GABRA6: variants seen among roughly 807,000 people sequenced by gnomAD.
GABRA6 encodes the protein gamma-aminobutyric acid type A receptor subunit alpha6.
GABRA6 carries 45 observed loss-of-function variants against 47.3 expected under a neutral mutation model. The observed-to-expected ratio is 0.95, with a 90% confidence interval of 0.75 to 1.22. The LOEUF is 1.22. GABRA6 is among the 50% of genes most tolerant of loss of function. The pLI is 0.00. For missense variants in GABRA6, 583 were observed against 549.3 expected (o/e 1.06, Z -0.61); for synonymous variants, 219 against 194.7 (o/e 1.12, Z -1.04).
intron 8 of GABRA6, among the ~76,000 whole-genome samples, chr5:161,694,977 C>A (rs1447496185): frequency 3.3e-5 from 5 of 152,094 alleles, no homozygotes; most frequent in Non-Finnish European, 7.4e-5. Flanking sequence ...AAGACATTTT[C>A]TCCCAAATAC....
chr5:161,691,452 A>C (rs1343116731), intron 7 of GABRA6, among the ~76,000 whole-genome samples: 4 of 150,978 alleles, frequency 2.6e-5, no homozygotes, highest in Non-Finnish European at 4.4e-5. Flanking sequence ...CCCGCCACCA[A>C]GCCCGGCTAA....
chr5:161,691,546 C>T (rs1052575109), intron 7 of GABRA6, among the ~76,000 whole-genome samples: 2 of 151,682 alleles, frequency 1.3e-5, no homozygotes, highest in Non-Finnish European at 2.9e-5. Context: ...GTGATCCGCC[C>T]GCCTCGGCCT....
Position 161,689,106 on chromosome 5 carries a change from A to G in GABRA6, c.383A>G (p.Asn128Ser), listed in dbSNP as rs575983585. ...FRNGKKSIAH[N>S]MTTPNKLFRI... ...AATGGTAAAAAGTCCATTGCTCACAACATGACAACTCCTAATAAACTCTTC... is the reference window on the plus strand; with the variant it reads ...AATGGTAAAAAGTCCATTGCTCACAGCATGACAACTCCTAATAAACTCTTC... The change falls in exon 4 of 9, where the codon AAC becomes AGC. Residue 128 changes from asparagine to serine, a missense_variant. By Grantham distance (46) the Asn-to-Ser change is conservative. Transcript: ENST00000274545. The G allele has an allele frequency of 1.4e-4, 232 of 1,614,114 alleles. No homozygotes were observed. The East Asian group carries it at 4.8e-3, about 33-fold the overall frequency.
chr5:161,688,798 TAAC>T, intron 3 of GABRA6, 148 bp from the exon 4 acceptor site: 2 of 702,172 alleles, frequency 2.8e-6, no homozygotes, highest in Non-Finnish European at 4.9e-6. Context: ...AGAACAATAA[TAAC>T]TAGCTAAAAT....
chr5:161,699,758 C>A (rs112903005), intron 8 of GABRA6, among the ~76,000 whole-genome samples: 1 of 151,986 alleles, frequency 6.6e-6, no homozygotes, highest in Non-Finnish European at 1.5e-5. Flanking sequence ...CCATGCACAG[C>A]CCATCTATTT....
At chr5:161,696,852 C>T (rs529891865) in intron 8 of GABRA6, among the ~76,000 whole-genome samples, 1 of 152,224 alleles carries the variant, frequency 6.6e-6, no homozygotes, top group South Asian at 2.1e-4. Context: ...AAAATATTTT[C>T]TCTCATCTGT....
At chr5:161,686,700 G>A (rs531779186) in intron 2 of GABRA6, among the ~76,000 whole-genome samples, 2 of 152,228 alleles carry the variant, frequency 1.3e-5, no homozygotes, top group Non-Finnish European at 2.9e-5. Context: ...TCGTTAGAAC[G>A]AATCTAGCTT....
At chr5:161,695,482 A>AT (rs1754871580) in intron 8 of GABRA6, among the ~76,000 whole-genome samples, 1 of 151,992 alleles carries the variant, frequency 6.6e-6, no homozygotes, top group Non-Finnish European at 1.5e-5. Context: ...TTATATCTTC[A>AT]TGAGTTTCAG....
intron 8 of GABRA6, among the ~76,000 whole-genome samples, chr5:161,694,410 A>G (rs945437720): frequency 1.3e-5 from 2 of 151,936 alleles, no homozygotes; most frequent in African/African-American, 4.8e-5. Context: ...TTTTTGCTTT[A>G]CCTTTTTTGA....
chr5:161,701,754 TC>T lies in GABRA6; in HGVS notation c.1344del (p.Ser449ValfsTer52), dbSNP rs750093869. On this transcript the variant is annotated frameshift_variant, in exon 9 of 9. Transcript: ENST00000274545. LOFTEE classifies it high-confidence loss of function. ...VVYLSKDTMEVSSSVE is the reference protein window; with the variant it reads ...VVYLSKDTMEXSSSVE ...TATCTTTCCAAAGATACAATGGAAG[TC>T]AGTAGCAGTGTTGAATAGCTTGCGG... 1 of 1,614,158 alleles carries T rather than the reference TC, an allele frequency of 6.2e-7. No homozygotes were observed. The highest frequency in any genetic ancestry group is 1.1e-5 in the South Asian group (1 of 91,088).
At chr5:161,699,881 A>G (rs1754948508) in intron 8 of GABRA6, among the ~76,000 whole-genome samples, 1 of 152,200 alleles carries the variant, frequency 6.6e-6, no homozygotes, top group South Asian at 2.1e-4. Flanking sequence ...TGTCCAGAGT[A>G]CCACAGTACT....
chr5:161,696,012 A>G (rs1470514457), intron 8 of GABRA6, among the ~76,000 whole-genome samples: 1 of 152,144 alleles, frequency 6.6e-6, no homozygotes, highest in Non-Finnish European at 1.5e-5. Context: ...ATGAGCCTTA[A>G]TAATACCTTG....
In GABRA6 at chr5:161,691,923, T is replaced by C. The variant is rs761177365; in HGVS notation, c.827-18T>C. 2.2e-5 allele frequency: 36 copies of C among 1,610,070 alleles called. No homozygotes were observed. The highest frequency in any genetic ancestry group is 1.6e-4 in the Middle Eastern group (1 of 6,076). ...TTCCCAGTACTAATATTACAATTCC[T>C]ATTCTTTTTTATTTTAGGGATCACC... is the stretch of plus-strand genomic sequence containing the variant. On this transcript the variant is annotated intron_variant, in intron 7 of 8. Transcript: ENST00000274545.
At chr5:161,687,282 T>G in intron 3 of GABRA6, 1 of 455,048 alleles carries the variant, frequency 2.2e-6, no homozygotes, top group South Asian at 2.1e-5. Flanking sequence ...GAGAAGAGAT[T>G]TTCCCCTTTC....
At chr5:161,694,406 C>T (rs1754853348) in intron 8 of GABRA6, among the ~76,000 whole-genome samples, 1 of 151,554 alleles carries the variant, frequency 6.6e-6, no homozygotes, top group East Asian at 1.9e-4. Context: ...CAATTTTTTG[C>T]TTTACCTTTT....
intron 7 of GABRA6, 151 bp downstream of exon 7, chr5:161,690,504 C>G: frequency 2.3e-6 from 2 of 859,342 alleles, no homozygotes; most frequent in Non-Finnish European, 3.7e-6. Context: ...TGCAAAATCA[C>G]TGTCATTATA....
At chr5:161,690,008 T>A (rs922360474) in intron 6 of GABRA6, 193 bp from the exon 7 acceptor site, 16 of 673,460 alleles carry the variant, frequency 2.4e-5, no homozygotes, top group East Asian at 1.1e-4. Flanking sequence ...AGAACCCTAC[T>A]GAAAACAATA....
chr5:161,700,101 G>A (rs1268770470), intron 8 of GABRA6, among the ~76,000 whole-genome samples: 1 of 152,210 alleles, frequency 6.6e-6, no homozygotes, highest in Admixed American at 6.5e-5. Context: ...GCAAAATCAA[G>A]AGGAGAATAT....
chr5:161,689,420 G>A (rs1292962197), intron 5 of GABRA6, 84 bp downstream of exon 5: 2 of 1,211,832 alleles, frequency 1.7e-6, no homozygotes, highest in East Asian at 4.7e-5. Context: ...GGAAATCAAG[G>A]AAGAAATAGA....
Sources: allele counts gnomAD v4.1 joint callset (sites outside exome capture counted in the v4.1 genomes callset), GRCh38; gene constraint gnomAD v4.1.1; transcripts MANE v1.5; gene names NCBI Gene and HGNC (gene_info 2026-07-23, HGNC 2026-07-21).